Variants in CNTNAP2 observed in about 807,000 individuals in gnomAD.
CNTNAP2 encodes the protein contactin associated protein 2.
In CNTNAP2, 98 loss-of-function variants were observed where a neutral mutation model predicts 155.2. That is an observed-to-expected ratio of 0.63 (90% CI 0.54 to 0.75). The LOEUF (loss-of-function observed/expected upper bound fraction) is 0.75, where lower values mean the gene tolerates loss of function less well. Ranked by LOEUF, CNTNAP2 falls within the 30% of genes least tolerant of loss-of-function variation. The pLI, the probability that CNTNAP2 is intolerant of heterozygous loss-of-function variation, is 0.00. For synonymous variants in CNTNAP2, 651 were observed against 631.2 expected, an observed-to-expected ratio of 1.03 and a Z score of -0.47; for missense variants, 1,727 against 1,688.1, an observed-to-expected ratio of 1.02 and a Z score of -0.40.
rs1050878117 is a variant in CNTNAP2, at chr7:148,383,661, T to C, written c.3488T>C (p.Ile1163Thr). The C allele has an allele frequency of 1.2e-6, 2 of 1,613,964 alleles. No individual in the cohort carries two copies. Among genetic ancestry groups the C allele is most frequent in the African/African-American group, 1.3e-5 (1 of 74,872 alleles). Reference sequence around the variant, plus strand: ...TTTTTTCTTTTAGAAACAGGGAAAATTGACCAAGAGATTCACAAATACAAC... The same window carrying C: ...TTTTTTCTTTTAGAAACAGGGAAAACTGACCAAGAGATTCACAAATACAAC... ...FLGKVIETGK[I>T]DQEIHKYNTP... The change falls in exon 22 of 24, where the codon ATT (isoleucine) becomes ACT (threonine). Residue 1163 changes from isoleucine to threonine, a missense_variant. Coordinates refer to ENST00000361727, the MANE Select transcript of CNTNAP2 (RefSeq NM_014141.6).
intron 8 of CNTNAP2, among the ~76,000 whole-genome samples, chr7:147,154,297 A>G (rs1801881297): frequency 6.6e-6 from 1 of 152,174 alleles, no homozygotes; most frequent in African/African-American, 2.4e-5. Flanking sequence ...CGTTGGGCAT[A>G]AAAGAAATGA....
At chr7:148,109,874 G>A (rs1442474128) in intron 15 of CNTNAP2, among the ~76,000 whole-genome samples, 2 of 152,166 alleles carry the variant, frequency 1.3e-5, no homozygotes, top group Middle Eastern at 3.2e-3. Context: ...TGGAGCCTCA[G>A]TAAATTTACT....
intron 17 of CNTNAP2, among the ~76,000 whole-genome samples, chr7:148,155,674 A>T (rs987912772): frequency 2.6e-5 from 4 of 152,236 alleles, no homozygotes; most frequent in African/African-American, 9.6e-5. Context: ...ACAGCTTTTT[A>T]AAAAATTTAT....
At chr7:148,137,300 G>A (rs959609733) in intron 16 of CNTNAP2, among the ~76,000 whole-genome samples, 1 of 152,212 alleles carries the variant, frequency 6.6e-6, no homozygotes, top group Admixed American at 6.5e-5. Flanking sequence ...TGCATCTCTT[G>A]TGACGATTCT....
intron 11 of CNTNAP2, among the ~76,000 whole-genome samples, chr7:147,529,909 G>A (rs1469891550): frequency 1.3e-5 from 2 of 152,158 alleles, no homozygotes; most frequent in Non-Finnish European, 2.9e-5. Context: ...GGTGTGATAA[G>A]GTCCCAATCT....
At chr7:148,224,300 G>T (rs1302723721) in intron 19 of CNTNAP2, among the ~76,000 whole-genome samples, 2 of 152,166 alleles carry the variant, frequency 1.3e-5, no homozygotes, top group Non-Finnish European at 2.9e-5. Context: ...CCAAACAATG[G>T]ACTATTTTAA....
At chr7:147,210,534 T>G (rs1014231253) in intron 8 of CNTNAP2, among the ~76,000 whole-genome samples, 3 of 151,966 alleles carry the variant, frequency 2.0e-5, no homozygotes, top group African/African-American at 7.2e-5. Flanking sequence ...ATTTATACTT[T>G]AATATAGCCA....
intron 20 of CNTNAP2, among the ~76,000 whole-genome samples, chr7:148,236,042 T>C (rs1163446373): frequency 1.3e-5 from 2 of 152,182 alleles, no homozygotes; most frequent in Non-Finnish European, 2.9e-5. Flanking sequence ...TAAGGGTTTT[T>C]TACACTCATA....
At chr7:146,556,588 A>C (rs1798201708) in intron 1 of CNTNAP2, among the ~76,000 whole-genome samples, 1 of 152,186 alleles carries the variant, frequency 6.6e-6, no homozygotes, top group Non-Finnish European at 1.5e-5. Context: ...GAAGAAAGAC[A>C]GAAATACTAG....
intron 3 of CNTNAP2, among the ~76,000 whole-genome samples, chr7:146,879,440 T>G (rs1368182069): frequency 6.6e-6 from 1 of 152,136 alleles, no homozygotes; most frequent in Non-Finnish European, 1.5e-5. Flanking sequence ...CTTTATATTG[T>G]TCTCTTTTCT....
chr7:146,764,111 G>A (rs975857356), intron 1 of CNTNAP2, among the ~76,000 whole-genome samples: 2 of 152,176 alleles, frequency 1.3e-5, no homozygotes, highest in Non-Finnish European at 2.9e-5. Context: ...ACATTTACCA[G>A]TGGACCAATA....
chr7:148,090,134 C>T (rs989787739), intron 15 of CNTNAP2, among the ~76,000 whole-genome samples: 4 of 151,924 alleles, frequency 2.6e-5, no homozygotes, highest in Non-Finnish European at 4.4e-5. Flanking sequence ...AAATGTGACA[C>T]CTGAAACTGT....
At chr7:146,986,004 A>T (rs1000744462) in intron 3 of CNTNAP2, among the ~76,000 whole-genome samples, 5 of 151,836 alleles carry the variant, frequency 3.3e-5, no homozygotes, top group Non-Finnish European at 1.5e-5. Flanking sequence ...TTTAATTTTA[A>T]TTTTTTTTAT....
chr7:146,317,066 T>C (rs1210866441), intron 1 of CNTNAP2, among the ~76,000 whole-genome samples: 1 of 152,236 alleles, frequency 6.6e-6, no homozygotes, highest in Admixed American at 6.5e-5. Flanking sequence ...CATAGAGTTA[T>C]GAAGATTGAT....
intron 3 of CNTNAP2, among the ~76,000 whole-genome samples, chr7:146,971,083 G>A (rs186511115): frequency 4.6e-5 from 7 of 152,194 alleles, no homozygotes; most frequent in Admixed American, 4.6e-4. Context: ...GGGAGGGATA[G>A]CTTTAGGAGA....
chr7:147,295,351 A>G (rs1440444071), intron 8 of CNTNAP2, among the ~76,000 whole-genome samples: 1 of 152,116 alleles, frequency 6.6e-6, no homozygotes, highest in Non-Finnish European at 1.5e-5. Context: ...CAGGGTCTAT[A>G]TAAATAATGT....
At chr7:147,455,391 G>A (rs1341402421) in intron 10 of CNTNAP2, among the ~76,000 whole-genome samples, 2 of 152,070 alleles carry the variant, frequency 1.3e-5, no homozygotes, top group African/African-American at 2.4e-5. Flanking sequence ...AAAAACTTCA[G>A]TAAGTTGCTC....
intron 8 of CNTNAP2, among the ~76,000 whole-genome samples, chr7:147,272,472 A>G (rs1236304179): frequency 1.4e-4 from 22 of 152,066 alleles, no homozygotes; most frequent in Non-Finnish European, 1.5e-5. Flanking sequence ...CTCTACCTTC[A>G]GCCTATGCTT....
intron 1 of CNTNAP2, among the ~76,000 whole-genome samples, chr7:146,755,306 CA>C (rs892402531): frequency 1.3e-5 from 2 of 152,072 alleles, no homozygotes; most frequent in South Asian, 4.1e-4. Flanking sequence ...ATATTCTGAA[CA>C]GGGACGGACT....
Sources: gnomAD v4.1 joint callset for allele counts (sites outside exome capture counted in the v4.1 genomes callset) on GRCh38, gnomAD v4.1.1 for gene constraint, MANE v1.5 for transcripts, NCBI Gene and HGNC (gene_info 2026-07-23, HGNC 2026-07-21) for gene names.